The following NOTCH3 variants were observed in gnomAD, a reference collection of about 807,000 sequenced individuals.
NOTCH3 encodes notch receptor 3.
Under a neutral mutation model 213.3 loss-of-function variants are expected in NOTCH3, and 86 were observed. That is an observed-to-expected ratio of 0.40 (90% CI 0.34 to 0.48). The LOEUF (loss-of-function observed/expected upper bound fraction) is 0.48, where lower values mean the gene tolerates loss of function less well. Ranked by LOEUF, NOTCH3 falls within the 20% of genes least tolerant of loss-of-function variation. The pLI, the probability that NOTCH3 is intolerant of heterozygous loss-of-function variation, is 0.57. For missense variants in NOTCH3, 2,783 were observed against 3,272.6 expected (o/e 0.85, Z 3.65); for synonymous variants, 1,354 against 1,355.9 (o/e 1.00, Z 0.03).
Position 15,180,135 on chromosome 19 carries a change from G to A in NOTCH3, c.3264C>T (p.Cys1088=). The A allele has an allele frequency of 6.2e-7, 1 of 1,613,348 alleles. No homozygotes were observed. Among genetic ancestry groups the A allele is most frequent in the Non-Finnish European group, 8.5e-7 (1 of 1,179,898 alleles). Residue 1088 remains cysteine, a synonymous_variant, in exon 20 of 33, where the codon TGC becomes TGT. Transcript: ENST00000263388. The part of the protein sequence containing the change: ...GSHCEQEVDP[C]LAQPCQHGGT... ...CCCCATGCTGGCAGGGCTGGGCCAA[G>A]CAGGGGTCCACCTCCTGCTCACAGT...
intron 31 of NOTCH3, 114 bp from the exon 32 acceptor site, chr19:15,162,676 G>A (rs1001666860): frequency 3.8e-5 from 29 of 759,210 alleles, no homozygotes; most frequent in East Asian, 3.5e-4. Flanking sequence ...CAGGCCTGCC[G>A]TGAATATCCA....
intron 25 of NOTCH3, among the ~76,000 whole-genome samples, chr19:15,172,274 T>C (rs576710156): frequency 6.6e-6 from 1 of 152,236 alleles, no homozygotes; most frequent in South Asian, 2.1e-4. Context: ...CTGTTCCTTC[T>C]CTCCCCACTC....
intron 25 of NOTCH3, 144 bp downstream of exon 25, chr19:15,173,924 A>G (rs2046764425): frequency 4.4e-6 from 3 of 682,672 alleles, no homozygotes; most frequent in Non-Finnish European, 7.2e-6. Flanking sequence ...ATCTGGAGGC[A>G]TTTTTTGCTT....
At chr19:15,193,391 C>A (rs905669256) in intron 2 of NOTCH3, among the ~76,000 whole-genome samples, 1 of 151,946 alleles carries the variant, frequency 6.6e-6, no homozygotes, top group Non-Finnish European at 1.5e-5. Flanking sequence ...CACACGCCAC[C>A]AGGCCTGGCT....
chr19:15,160,913 G>A lies in NOTCH3; in HGVS notation c.6715C>T (p.Pro2239Ser). The A allele has an allele frequency of 7.5e-6, 12 of 1,608,518 alleles. No homozygotes were observed. Among genetic ancestry groups the A allele is most frequent in the Non-Finnish European group, 1.0e-5 (12 of 1,176,928 alleles). Residue 2239 changes from proline (P) to serine (S), a missense_variant, in exon 33 of 33, where the codon CCC (proline) becomes TCC (serine). Transcript: ENST00000263388. ...GGGGTCAGGTAAGGGTGCTCACTGGGAACCCGCAGGAAGCGGGCCTTTGGG... is the reference window on the plus strand; with the variant it reads ...GGGGTCAGGTAAGGGTGCTCACTGGAAACCCGCAGGAAGCGGGCCTTTGGG... ...SPPKARFLRV[P>S]SEHPYLTPSP...
chr19:15,194,982 G>A (rs12978263), intron 2 of NOTCH3, among the ~76,000 whole-genome samples: 1 of 149,834 alleles, frequency 6.7e-6, no homozygotes, highest in Non-Finnish European at 1.5e-5. Context: ...AAAGGAAAAG[G>A]AAAAAAAGAA....
Position 15,170,448 on chromosome 19 carries a change from C to T in NOTCH3, c.4997G>A (p.Arg1666Gln), listed in dbSNP as rs1199528120. 6.2e-7 allele frequency: 1 copy of T among 1,610,666 alleles called. No individual in the cohort carries two copies. Among genetic ancestry groups the T allele is most frequent in the South Asian group, 1.1e-5 (1 of 91,084 alleles). Reference protein sequence around the residue: ...VILVLGVMVARRKREHSTLWF... With the variant: ...VILVLGVMVAQRKREHSTLWF... The stretch of plus-strand genomic sequence containing the variant: ...GAGGGTGCTGTGCTCGCGCTTGCGC[C>T]GGGCCACCATGACACCCAGGACGAG... The change falls in exon 27 of 33, where the codon CGG (arginine) becomes CAG (glutamine). Residue 1666 changes from arginine to glutamine, a missense_variant. Arg to Gln is a conservative substitution (Grantham distance 43). Around this residue, in one of 6 missense-constraint regions of NOTCH3, gnomAD observed 636 missense variants for 801.8 expected, o/e 0.79. Coordinates refer to ENST00000263388, the MANE Select transcript of NOTCH3 (RefSeq NM_000435.3).
intron 6 of NOTCH3, among the ~76,000 whole-genome samples, chr19:15,190,985 T>C (rs11671273): frequency 0.57 from 85,977 of 151,596 alleles, 27,278 homozygotes; most frequent in Non-Finnish European, 0.72. Context: ...CCTCCCAAAG[T>C]GCTGGGATTA....
rs572874664 is a variant in NOTCH3 at position 15,200,246 on chromosome 19, C to T, written c.118+542G>A. On this transcript the variant is annotated intron_variant, in intron 1 of 32. Coordinates refer to ENST00000263388, the MANE Select transcript of NOTCH3 (RefSeq NM_000435.3). ...AGGGGGCGCGCGCGCCGCCGAGGCT[C>T]CGGCTCGGAATCCGGCTCCGGGTCT... Among the ~76,000 whole-genome samples the T allele has an allele frequency of 6.4e-4, 97 of 151,836 alleles. No homozygotes were observed. In the Middle Eastern group the frequency reaches 0.01, roughly 16 times the overall value.
chr19:15,167,831 C>A (rs1177184116), intron 28 of NOTCH3, among the ~76,000 whole-genome samples: 1 of 151,294 alleles, frequency 6.6e-6, no homozygotes, highest in Non-Finnish European at 1.5e-5. Context: ...CTGAGATTAA[C>A]AGGAAATCAA....
chr19:15,191,673 G>T lies in NOTCH3; in HGVS notation c.803-16C>A, dbSNP rs772570271. ...CAGAACTGGCCTGTGGCACACAGAT[G>T]CAGCAGTCCAGCCACCTGGCGCATG... On this transcript the variant is annotated splice_polypyrimidine_tract_variant and intron_variant, in intron 5 of 32. Coordinates refer to ENST00000263388, the MANE Select transcript of NOTCH3 (RefSeq NM_000435.3). 6.2e-6 allele frequency: 10 copies of T among 1,613,466 alleles called. No homozygotes were observed. Among genetic ancestry groups the T allele is most frequent in the Non-Finnish European group, 8.5e-6 (10 of 1,179,978 alleles).
Position 15,170,519 on chromosome 19 carries a change from C to T in NOTCH3, c.4926G>A (p.Pro1642=). ...EPLEPPEPSV[P]LLPLLVAGAV... Reference sequence around the variant, plus strand: ...CGCCCGCCACTAGCAGTGGCAGCAGCGGGACGCTGGGTTCTGGAGGCTCCA... The same window carrying T: ...CGCCCGCCACTAGCAGTGGCAGCAGTGGGACGCTGGGTTCTGGAGGCTCCA... The change falls in exon 27 of 33, where the codon CCG becomes CCA. Residue 1642 remains proline (P), a synonymous_variant. Coordinates refer to ENST00000263388, the MANE Select transcript of NOTCH3 (RefSeq NM_000435.3). 1 of 1,610,116 alleles carries T rather than the reference C, an allele frequency of 6.2e-7. No homozygotes were observed. The highest frequency in any genetic ancestry group is 1.1e-5 in the South Asian group (1 of 91,074).
intron 6 of NOTCH3, 58 bp from the exon 7 acceptor site, chr19:15,189,486 A>G (rs2046911458): frequency 2.5e-6 from 4 of 1,582,196 alleles, no homozygotes. Flanking sequence ...CAAAAGGCCC[A>G]CACCCCTTGA....
intron 2 of NOTCH3, among the ~76,000 whole-genome samples, chr19:15,195,778 C>T (rs1239567814): frequency 6.6e-6 from 1 of 151,468 alleles, no homozygotes; most frequent in African/African-American, 2.4e-5. Context: ...CCAGGCAGGG[C>T]GCGACCCGCG....
chr19:15,199,806 C>A (rs992498470), intron 1 of NOTCH3, among the ~76,000 whole-genome samples: 1 of 152,200 alleles, frequency 6.6e-6, no homozygotes, highest in East Asian at 1.9e-4. Flanking sequence ...GAAACCCCCA[C>A]CCCGCCCAGC....
In NOTCH3 at chr19:15,177,776, C is replaced by T. The variant is rs2145414942; in HGVS notation, c.4152G>A (p.Glu1384=). 7.4e-7 allele frequency: 1 copy of T among 1,351,584 alleles called. No individual in the cohort carries two copies. The highest frequency in any genetic ancestry group is 1.9e-5 in the South Asian group (1 of 53,752). The allele number at this position is 1,351,584 out of a possible 1,614,324, so 83.7% of individuals were successfully genotyped here. ...GGCAGGCGGCGCGCGGGCACCGCGG[C>T]TCCTCCGAGACCTCGGGTGCCGCGG... is the stretch of plus-strand genomic sequence containing the variant. ...APAAAPEVSE[E]PRCPRAACQA... The change falls in exon 24 of 33, where the codon GAG becomes GAA. Residue 1384 remains glutamate (E), a synonymous_variant. Transcript: ENST00000263388.
chr19:15,175,386 T>A (rs944045228), intron 24 of NOTCH3, among the ~76,000 whole-genome samples: 3 of 148,552 alleles, frequency 2.0e-5, no homozygotes, highest in Non-Finnish European at 4.4e-5. Flanking sequence ...ATACAAAAAT[T>A]AGTCAGGCAT....
Position 15,187,138 on chromosome 19 carries a change from T to C in NOTCH3, c.1807A>G (p.Lys603Glu), listed in dbSNP as rs1239474452. Residue 603 changes from lysine (K) to glutamate (E), a missense_variant, in exon 11 of 33, where the codon AAG becomes GAG. Lys to Glu is a moderately conservative substitution (Grantham distance 56, BLOSUM62 1). Around this residue, in one of 6 missense-constraint regions of NOTCH3, gnomAD observed 708 missense variants for 906.6 expected, o/e 0.78. Transcript: ENST00000263388. Reference protein sequence around the residue: ...HGGKCLDLVDKYLCRCPSGTT... With the variant: ...HGGKCLDLVDEYLCRCPSGTT... ...CCAGAAGGGCAGCGGCAGAGGTACT[T>C]GTCCACCAGGTCTAGGCATTTGCCG... is the stretch of plus-strand genomic sequence containing the variant. 6.2e-7 allele frequency: 1 copy of C among 1,613,968 alleles called. No homozygotes were observed. The highest frequency in any genetic ancestry group is 8.5e-7 in the Non-Finnish European group (1 of 1,180,014).
chr19:15,165,805 A>G lies in NOTCH3; in HGVS notation c.5649T>C (p.Asp1883=), dbSNP rs1279973868. The part of the protein sequence containing the change: ...RTPLHTAVTA[D]AQGVFQILIR... Reference sequence around the variant, plus strand: ...ATCTCACCTGGAAGACACCCTGGGCATCGGCTGTGACAGCTGTGTGCAGGG... The same window carrying G: ...ATCTCACCTGGAAGACACCCTGGGCGTCGGCTGTGACAGCTGTGTGCAGGG... Residue 1883 remains aspartate, a synonymous_variant, in exon 30 of 33, where the codon GAT becomes GAC. Transcript: ENST00000263388. This position sits in a 1 kb window ranked among gnomAD's most constrained non-coding sequence, Gnocchi z 4.7. 1 of 1,613,004 alleles carries G rather than the reference A, an allele frequency of 6.2e-7. No individual in the cohort carries two copies. Among genetic ancestry groups the G allele is most frequent in the Non-Finnish European group, 8.5e-7 (1 of 1,180,042 alleles).
Sources: allele counts gnomAD v4.1 joint callset (sites outside exome capture counted in the v4.1 genomes callset), GRCh38; gene constraint gnomAD v4.1.1; regional missense constraint gnomAD v4.1.1; non-coding constraint Gnocchi (gnomAD v3.1); transcripts MANE v1.5; gene names NCBI Gene and HGNC (gene_info 2026-07-23, HGNC 2026-07-21).